GPR84: variants seen among roughly 807,000 people sequenced by gnomAD.
GPR84 encodes the protein G protein-coupled receptor 84.
A neutral mutation model predicts 14.9 loss-of-function variants in GPR84; 8 were observed. That is an observed-to-expected ratio of 0.54 (90% CI 0.31 to 0.97). The LOEUF is 0.97. GPR84 is among the 50% of genes least tolerant of loss of function. The pLI is 0.04. For synonymous variants in GPR84, 164 were observed against 198.1 expected, an observed-to-expected ratio of 0.83 and a Z score of 1.45; for missense variants, 424 against 498.7, an observed-to-expected ratio of 0.85 and a Z score of 1.43.
chr12:54,352,886 T>C, the GPR84 span, among the ~76,000 whole-genome samples: 1 of 152,214 alleles, frequency 6.6e-6, no homozygotes, highest in South Asian at 2.1e-4. Context: ...GGATAAAGAC[T>C]AGGTACTTCT....
chr12:54,362,533 G>C lies in GPR84; in HGVS notation c.*128C>G. ...CATTGATCAAGTGATGGAGAGACTT[G>C]ATTTGGGAGGCTGGGGAGAGATTGT... On this transcript the variant is annotated 3_prime_UTR_variant, in exon 2 of 2. Transcript: ENST00000267015. The surrounding 1 kb of genome is among the most constrained non-coding windows in gnomAD (Gnocchi z 4.0). 1.5e-6 allele frequency: 1 copy of C among 682,392 alleles called. No homozygotes were observed. 42.3% of individuals were successfully genotyped at this position (682,392 alleles called of 1,614,324 possible).
downstream of GPR84, chr12:54,362,346 G>A (rs117989685): frequency 7.4e-4 from 171 of 231,690 alleles, 1 homozygote; most frequent in East Asian, 9.9e-3. The surrounding 1 kb of genome is among the most constrained non-coding windows in gnomAD (Gnocchi z 4.0). Flanking sequence ...ACAGGATTTC[G>A]TCATGCAGGA....
chr12:54,356,924 G>A, the GPR84 span, among the ~76,000 whole-genome samples: 1 of 152,190 alleles, frequency 6.6e-6, no homozygotes, highest in Admixed American at 6.5e-5. Context: ...GGTGGAGGGG[G>A]GTGGTGTGGG....
chr12:54,357,828 C>T (rs562682401), downstream of GPR84, among the ~76,000 whole-genome samples: 1 of 152,304 alleles, frequency 6.6e-6, no homozygotes, highest in South Asian at 2.1e-4. Flanking sequence ...CTTCTCCCCA[C>T]CTTCTGCAAA....
Position 54,362,530 on chromosome 12 carries a change from C to G in GPR84, c.*131G>C. 2 of 677,834 alleles carry G rather than the reference C, an allele frequency of 3.0e-6. No individual in the cohort carries two copies. Among genetic ancestry groups the G allele is most frequent in the Non-Finnish European group, 5.3e-6 (2 of 374,598 alleles). The allele number at this position is 677,834 out of a possible 1,614,324, so 42.0% of individuals were successfully genotyped here. On this transcript the variant is annotated 3_prime_UTR_variant, in exon 2 of 2. Transcript: ENST00000267015. This position sits in a 1 kb window ranked among gnomAD's most constrained non-coding sequence, Gnocchi z 4.0. ...AAACATTGATCAAGTGATGGAGAGA[C>G]TTGATTTGGGAGGCTGGGGAGAGAT...
At chr12:54,357,824 C>T (rs1164146841), downstream of GPR84, among the ~76,000 whole-genome samples, 2 of 152,176 alleles carry the variant, frequency 1.3e-5, no homozygotes, top group African/African-American at 4.8e-5. Context: ...TGGGCTTCTC[C>T]CCACCTTCTG....
At chr12:54,358,976 C>CA (rs1954238605), downstream of GPR84, among the ~76,000 whole-genome samples, 1 of 152,148 alleles carries the variant, frequency 6.6e-6, no homozygotes, top group Non-Finnish European at 1.5e-5. Context: ...CCTCAGACCC[C>CA]ATCATCCCTT....
chr12:54,362,663 AATGGAGCCT>A lies in GPR84; in HGVS notation c.1180_1188del (p.Arg394_His396del). 1 of 1,594,210 alleles carries A rather than the reference AATGGAGCCT, an allele frequency of 6.3e-7. No homozygotes were observed. ...TTCTGGTGACTAGGGTCACAGTTCT[AATGGAGCCT>A]ATGGAAACTCCGGGGCCCTCTTTTT... On this transcript the variant is annotated inframe_deletion, in exon 2 of 2. Coordinates refer to ENST00000267015, the MANE Select transcript of GPR84 (RefSeq NM_020370.3). This position sits in a 1 kb window ranked among gnomAD's most constrained non-coding sequence, Gnocchi z 4.0.
At chr12:54,363,983 C>G (rs903077390) in intron 1 of GPR84, 124 bp from the exon 2 acceptor site, 2 of 594,510 alleles carry the variant, frequency 3.4e-6, no homozygotes. Flanking sequence ...AATTCAGTAT[C>G]CTCCTGAACC....
rs559415552 is a variant in GPR84, at chr12:54,363,198, T to C, written c.654A>G (p.Arg218=). ...CATGGTTGGAGTGGATGCTTGCCTG[T>C]CGCAACTTGTATTGGTCCAGTGCCT... ...AAQALDQYKL[R]QASIHSNHVA... Residue 218 remains arginine, a synonymous_variant, in exon 2 of 2, where the codon CGA becomes CGG. Transcript: ENST00000267015. 1 of 1,614,138 alleles carries C rather than the reference T, an allele frequency of 6.2e-7. No homozygotes were observed. The highest frequency in any genetic ancestry group is 1.1e-5 in the South Asian group (1 of 91,084).
chr12:54,356,599 C>A, the GPR84 span, among the ~76,000 whole-genome samples: 1 of 152,196 alleles, frequency 6.6e-6, no homozygotes, highest in Non-Finnish European at 1.5e-5. Flanking sequence ...CCCCTTCCAG[C>A]CCCTGGCACC....
chr12:54,351,065 G>T, the GPR84 span: 1 of 164,038 alleles, frequency 6.1e-6, no homozygotes, highest in Non-Finnish European at 1.4e-5. Context: ...TTACTGCCCT[G>T]TCCTCTGCCT....
rs770326033 is a variant in GPR84 at position 54,363,868 on chromosome 12, G to C, written c.-8-9C>G. 1 of 1,534,372 alleles carries C rather than the reference G, an allele frequency of 6.5e-7. No individual in the cohort carries two copies. Among genetic ancestry groups the C allele is most frequent in the Admixed American group, 1.8e-5 (1 of 54,978 alleles). ...GTTCCACATGATAGAGGCTAAAGAG[G>C]CAGAGGGTGGAAGAGGAAGAGGGAA... is the stretch of plus-strand genomic sequence containing the variant. On this transcript the variant is annotated splice_polypyrimidine_tract_variant and intron_variant, in intron 1 of 1. Transcript: ENST00000267015.
chr12:54,362,557 GTTGTGAAAATGCCCAC>G lies in GPR84; in HGVS notation c.*88_*103del. ...TGATTTGGGAGGCTGGGGAGAGATT[GTTGTGAAAATGCCCAC>G]ATGTGTTATTTCACCTATTCTCCTA... On this transcript the variant is annotated 3_prime_UTR_variant, in exon 2 of 2. Coordinates refer to ENST00000267015, the MANE Select transcript of GPR84 (RefSeq NM_020370.3). The surrounding 1 kb of genome is among the most constrained non-coding windows in gnomAD (Gnocchi z 4.0). 1.4e-6 allele frequency: 1 copy of G among 729,780 alleles called. No homozygotes were observed. Among genetic ancestry groups the G allele is most frequent in the Non-Finnish European group, 2.4e-6 (1 of 419,340 alleles). 45.2% of individuals were successfully genotyped at this position (729,780 alleles called of 1,614,324 possible). A position where few individuals can be genotyped will look rare whatever the true frequency, so the allele number is the denominator to read the frequency against.
chr12:54,359,379 G>A (rs1300134352), downstream of GPR84, among the ~76,000 whole-genome samples: 1 of 151,340 alleles, frequency 6.6e-6, no homozygotes, highest in Non-Finnish European at 1.5e-5. Context: ...AAGAGAGAGA[G>A]CGTGCGAACG....
chr12:54,359,272 C>G (rs1954243175), downstream of GPR84, among the ~76,000 whole-genome samples: 1 of 152,286 alleles, frequency 6.6e-6, no homozygotes, highest in East Asian at 1.9e-4. Context: ...GCCTGTCAAG[C>G]TCAGCCAATG....
chr12:54,354,682 T>C, the GPR84 span, among the ~76,000 whole-genome samples: 1 of 151,086 alleles, frequency 6.6e-6, no homozygotes, highest in Admixed American at 6.6e-5. Context: ...TGACCTCTGG[T>C]GATCCGCCCG....
the GPR84 span, among the ~76,000 whole-genome samples, chr12:54,355,091 GAAACAAA>G: frequency 1.1e-4 from 16 of 152,118 alleles, no homozygotes; most frequent in Admixed American, 2.0e-4. Flanking sequence ...AAGATGGAAA[GAAACAAA>G]ATGAGAGAGA....
At chr12:54,359,542 CAA>C (rs1954247838), downstream of GPR84, among the ~76,000 whole-genome samples, 1 of 152,040 alleles carries the variant, frequency 6.6e-6, no homozygotes, top group Non-Finnish European at 1.5e-5. Context: ...TGGAAAGAGA[CAA>C]AGAGAGGCAG....
Sources: allele counts gnomAD v4.1 joint callset (sites outside exome capture counted in the v4.1 genomes callset), GRCh38; gene constraint gnomAD v4.1.1; non-coding constraint Gnocchi (gnomAD v3.1); transcripts MANE v1.5; gene names NCBI Gene and HGNC (gene_info 2026-07-23, HGNC 2026-07-21).